The following XPO7 variants were observed in gnomAD, a reference collection of about 807,000 sequenced individuals.
XPO7 encodes exportin-7.
A neutral mutation model predicts 144.3 loss-of-function variants in XPO7; 21 were observed. That is an observed-to-expected ratio of 0.15 (90% CI 0.10 to 0.21). The LOEUF (loss-of-function observed/expected upper bound fraction) is 0.21, where lower values mean the gene tolerates loss of function less well. Among genes scored for constraint, XPO7 ranks in the 10% least tolerant of loss-of-function variants. The pLI is 1.00. For synonymous variants in XPO7, 580 were observed against 499.6 expected (o/e 1.16, Z -2.15); for missense variants, 808 against 1,325.8 (o/e 0.61, Z 6.06).
At chr8:21,990,998 G>T in intron 18 of XPO7, 79 bp downstream of exon 18, 2 of 1,303,308 alleles carry the variant, frequency 1.5e-6, no homozygotes, top group Non-Finnish European at 2.2e-6. Flanking sequence ...AAAACTAGAT[G>T]TTGGGGAGGC....
intron 1 of XPO7, among the ~76,000 whole-genome samples, chr8:21,940,407 GAGATGTGGGT>G (rs1563313632): frequency 6.6e-6 from 1 of 151,670 alleles, no homozygotes; most frequent in African/African-American, 2.4e-5. Context: ...ACTGAGTGGA[GAGATGTGGGT>G]AGTATGGGTA....
intron 24 of XPO7, among the ~76,000 whole-genome samples, chr8:22,000,303 C>G (rs2117404129): frequency 6.6e-6 from 1 of 152,190 alleles, no homozygotes; most frequent in South Asian, 2.1e-4. Context: ...ATGAAGGGGG[C>G]CCGCCTGTAA....
chr8:21,993,133 G>T (rs1005149719), intron 19 of XPO7, among the ~76,000 whole-genome samples: 2 of 151,152 alleles, frequency 1.3e-5, no homozygotes, highest in African/African-American at 4.8e-5. Context: ...GGTTATTGTG[G>T]AACATATTAC....
intron 1 of XPO7, among the ~76,000 whole-genome samples, chr8:21,942,128 A>G (rs908899682): frequency 1.3e-5 from 2 of 152,218 alleles, no homozygotes; most frequent in Non-Finnish European, 2.9e-5. Flanking sequence ...AGTTTTCCTA[A>G]GTATTTCTTG....
intron 1 of XPO7, among the ~76,000 whole-genome samples, chr8:21,949,839 C>G (rs1156985492): frequency 6.6e-6 from 1 of 152,190 alleles, no homozygotes; most frequent in African/African-American, 2.4e-5. Flanking sequence ...AAGCGATTCT[C>G]CTGCCTTAGC....
At chr8:21,978,105 A>T (rs1026548717) in intron 8 of XPO7, among the ~76,000 whole-genome samples, 2 of 152,142 alleles carry the variant, frequency 1.3e-5, no homozygotes, top group African/African-American at 4.8e-5. Flanking sequence ...ATCTGACTTT[A>T]TGCTGTTCCT....
chr8:21,921,730 C>G (rs1036555513), intron 1 of XPO7: 2 of 152,302 alleles, frequency 1.3e-5, no homozygotes, highest in Admixed American at 1.3e-4. Context: ...GCATGTTGAT[C>G]AGTGTTTTAT....
intron 2 of XPO7, among the ~76,000 whole-genome samples, chr8:21,969,155 G>T (rs1300267673): frequency 6.6e-6 from 1 of 152,144 alleles, no homozygotes; most frequent in Non-Finnish European, 1.5e-5. Context: ...TGGTTTAAAT[G>T]AGGGGAGAGA....
rs1812917861 is a variant in XPO7 at position 21,995,534 on chromosome 8, C to A, written c.2280C>A (p.Leu760=). The A allele has an allele frequency of 6.2e-7, 1 of 1,610,590 alleles. No homozygotes were observed. Among genetic ancestry groups the A allele is most frequent in the Non-Finnish European group, 8.5e-7 (1 of 1,178,348 alleles). Residue 760 remains leucine, a synonymous_variant, in exon 21 of 28, where the codon CTC becomes CTA. Transcript: ENST00000252512. The part of the protein sequence containing the change: ...YMPILQRAIE[L]WYHDPACTTP... Reference sequence around the variant, plus strand: ...CAATTCTCCAACGGGCAATTGAGCTCTGGTACCATGATCCAGCCTGTACTA... The same window carrying A: ...CAATTCTCCAACGGGCAATTGAGCTATGGTACCATGATCCAGCCTGTACTA...
chr8:21,998,346 CA>C (rs1162181867), intron 21 of XPO7, among the ~76,000 whole-genome samples: 1 of 152,146 alleles, frequency 6.6e-6, no homozygotes, highest in Non-Finnish European at 1.5e-5. Context: ...GAGGCTGAAG[CA>C]GGAGAATGGT....
chr8:21,935,624 G>C (rs928910736), intron 1 of XPO7, among the ~76,000 whole-genome samples: 1 of 152,114 alleles, frequency 6.6e-6, no homozygotes, highest in Non-Finnish European at 1.5e-5. Flanking sequence ...TGTTTTATTA[G>C]ACCGAATTTG....
At position 21,960,808 on chromosome 8, in the gene XPO7, G is replaced by T. The variant is rs572406099; in HGVS notation, c.19-6049G>T. 6.6e-5 allele frequency among the ~76,000 whole-genome samples: 10 copies of T among 152,282 alleles called. No homozygotes were observed. The South Asian group carries it at 2.1e-3, about 32-fold the overall frequency. On this transcript the variant is annotated intron_variant, in intron 1 of 27. Transcript: ENST00000252512. ...CGTGGTTGTAAAAGCATTTAGCGTTGTAAAACTAAAGCATTCTGAATCTAA... is the reference window on the plus strand; with the variant it reads ...CGTGGTTGTAAAAGCATTTAGCGTTTTAAAACTAAAGCATTCTGAATCTAA...
At chr8:22,000,279 C>T (rs1483888388) in intron 24 of XPO7, among the ~76,000 whole-genome samples, 1 of 152,002 alleles carries the variant, frequency 6.6e-6, no homozygotes, top group Non-Finnish European at 1.5e-5. Flanking sequence ...TAAGCAGGAG[C>T]AAATCTGGAG....
chr8:21,976,648 C>A (rs910869258), intron 7 of XPO7, 127 bp downstream of exon 7: 14 of 1,171,554 alleles, frequency 1.2e-5, no homozygotes, highest in African/African-American at 1.6e-5. Flanking sequence ...ATTCTAACGT[C>A]TTTTTTTGTT....
intron 1 of XPO7, among the ~76,000 whole-genome samples, chr8:21,957,111 A>G (rs183773196): frequency 1.1e-3 from 165 of 151,878 alleles, no homozygotes; most frequent in African/African-American, 3.8e-3. Context: ...ATTCTCGGGA[A>G]AATCTTCCAA....
At chr8:21,957,939 T>G (rs568417430) in intron 1 of XPO7, among the ~76,000 whole-genome samples, 174 of 152,256 alleles carry the variant, frequency 1.1e-3, no homozygotes, top group Non-Finnish European at 1.7e-3. Flanking sequence ...GTAATTCCAC[T>G]GCTTAAAATG....
intron 1 of XPO7, among the ~76,000 whole-genome samples, chr8:21,926,140 A>T (rs1485826240): frequency 6.6e-6 from 1 of 152,168 alleles, no homozygotes; most frequent in Non-Finnish European, 1.5e-5. Context: ...TTAGAAAAAC[A>T]TTAGTTAGAT....
At chr8:21,978,855 A>G (rs1812310128) in intron 8 of XPO7, among the ~76,000 whole-genome samples, 1 of 152,164 alleles carries the variant, frequency 6.6e-6, no homozygotes, top group South Asian at 2.1e-4. Flanking sequence ...CTGCCCTCTA[A>G]TCTCCTGCTG....
At position 21,981,736 on chromosome 8, in the gene XPO7, A is replaced by G; in HGVS notation, c.963A>G (p.Leu321=). 4.3e-6 allele frequency: 7 copies of G among 1,613,928 alleles called. No homozygotes were observed. The highest frequency in any genetic ancestry group is 5.9e-6 in the Non-Finnish European group (7 of 1,179,826). Reference sequence around the variant, plus strand: ...TTCTCCTCTGCTACTGCCAGAGTTTATCAGACCCAAACAATTACCATGAGT... The same window carrying G: ...TTCTCCTCTGCTACTGCCAGAGTTTGTCAGACCCAAACAATTACCATGAGT... The part of the protein sequence containing the change: ...VKRILENPQS[L]SDPNNYHEFC... The change falls in exon 10 of 28, where the codon TTA becomes TTG. Residue 321 remains leucine, a synonymous_variant. Transcript: ENST00000252512.
Sources: allele counts gnomAD v4.1 joint callset (sites outside exome capture counted in the v4.1 genomes callset), GRCh38; gene constraint gnomAD v4.1.1; transcripts MANE v1.5; gene names NCBI Gene and HGNC (gene_info 2026-07-23, HGNC 2026-07-21).